CNIH3: variants seen among roughly 807,000 people sequenced by gnomAD.
CNIH3 encodes the protein protein cornichon homolog 3.
CNIH3 carries 14 observed loss-of-function variants against 24.1 expected under a neutral mutation model. The ratio of observed to expected loss-of-function variants is 0.58; its 90% confidence interval spans 0.38 to 0.91. The LOEUF (loss-of-function observed/expected upper bound fraction) is 0.91, where lower values mean the gene tolerates loss of function less well. CNIH3 is among the 40% of genes least tolerant of loss of function. The probability of loss-of-function intolerance (pLI) is 0.00; values close to 1 mark genes in which losing one functional copy is unlikely to be tolerated. For missense variants in CNIH3, 178 were observed against 196.8 expected (o/e 0.90, Z 0.57); for synonymous variants, 68 against 73.8 (o/e 0.92, Z 0.40).
At chr1:224,560,448 G>C (rs552363124) in intron 3 of CNIH3, among the ~76,000 whole-genome samples, 18 of 152,186 alleles carry the variant, frequency 1.2e-4, no homozygotes, top group Admixed American at 3.3e-4. Context: ...GTTAGGAACC[G>C]GGCCCCACAG....
At chr1:224,531,010 G>A (rs1408957334) in intron 2 of CNIH3, among the ~76,000 whole-genome samples, 2 of 152,124 alleles carry the variant, frequency 1.3e-5, no homozygotes, top group Non-Finnish European at 2.9e-5. Context: ...GCTGAATAGA[G>A]CAGACTTCCT....
At chr1:224,666,776 T>C (rs530435692) in intron 1 of CNIH3, among the ~76,000 whole-genome samples, 2 of 152,334 alleles carry the variant, frequency 1.3e-5, no homozygotes, top group South Asian at 4.1e-4. Flanking sequence ...GGCTTTATCA[T>C]TCAAGTCCTA....
intron 1 of CNIH3, among the ~76,000 whole-genome samples, chr1:224,654,907 A>G (rs1297457976): frequency 6.6e-6 from 1 of 152,208 alleles, no homozygotes; most frequent in Non-Finnish European, 1.5e-5. Flanking sequence ...TATCCAGAGT[A>G]TTTAGGAAAT....
At chr1:224,444,432 C>T (rs1009764055) in intron 1 of CNIH3, among the ~76,000 whole-genome samples, 2 of 152,082 alleles carry the variant, frequency 1.3e-5, no homozygotes, top group Non-Finnish European at 1.5e-5. Context: ...TGCAGTGGCT[C>T]ACTGCAACCT....
intron 1 of CNIH3, among the ~76,000 whole-genome samples, chr1:224,671,898 T>A (rs1244100998): frequency 6.6e-6 from 1 of 152,152 alleles, no homozygotes; most frequent in African/African-American, 2.4e-5. Context: ...GGCTCAGAGA[T>A]GACTAAGCAA....
At chr1:224,463,773 ATTTTTTTTTTTTTTT>A (rs56137320) in intron 1 of CNIH3, among the ~76,000 whole-genome samples, 7 of 20,706 alleles carry the variant, frequency 3.4e-4, no homozygotes, top group South Asian at 2.6e-3. Flanking sequence ...AATTGTCCTC[ATTTTTTTTTTTTTTT>A]TTTTTTTTTT....
intron 3 of CNIH3, among the ~76,000 whole-genome samples, chr1:224,706,618 G>A (rs2125188409): frequency 6.6e-6 from 1 of 152,232 alleles, no homozygotes; most frequent in Non-Finnish European, 1.5e-5. Context: ...TCAGCATTTG[G>A]GAGGTTTGCA....
At chr1:224,485,751 C>T (rs990763147) in intron 1 of CNIH3, among the ~76,000 whole-genome samples, 1 of 152,170 alleles carries the variant, frequency 6.6e-6, no homozygotes, top group African/African-American at 2.4e-5. Context: ...CTAGCATGAG[C>T]CAGGATGCCC....
intron 3 of CNIH3, among the ~76,000 whole-genome samples, chr1:224,696,739 ATAGT>A (rs1687197203): frequency 6.6e-6 from 1 of 151,900 alleles, no homozygotes; most frequent in South Asian, 2.1e-4. Context: ...TACCATGTAC[ATAGT>A]TGGTTGTTAT....
intron 5 of CNIH3, among the ~76,000 whole-genome samples, chr1:224,587,588 T>G (rs556265091): frequency 2.6e-4 from 39 of 152,304 alleles, no homozygotes; most frequent in African/African-American, 9.4e-4. Context: ...CTGGGCTACT[T>G]TTTATTGAAA....
chr1:224,583,663 G>C (rs1681371932), intron 5 of CNIH3, among the ~76,000 whole-genome samples: 1 of 152,148 alleles, frequency 6.6e-6, no homozygotes. Context: ...AACTAACAAT[G>C]CTGGGGCTCC....
intron 3 of CNIH3, among the ~76,000 whole-genome samples, chr1:224,707,810 C>T (rs1454343858): frequency 5.3e-5 from 8 of 152,238 alleles, no homozygotes; most frequent in Admixed American, 5.2e-4. Context: ...ACTGGGCATC[C>T]ACCTTGTGTG....
intron 3 of CNIH3, among the ~76,000 whole-genome samples, chr1:224,548,340 CAGTG>C (rs1679783049): frequency 6.6e-6 from 1 of 151,928 alleles, no homozygotes; most frequent in Non-Finnish European, 1.5e-5. Context: ...TTCAATATCA[CAGTG>C]GGTGTACACC....
intron 3 of CNIH3, among the ~76,000 whole-genome samples, chr1:224,553,774 A>G (rs1412470664): frequency 6.7e-6 from 1 of 150,370 alleles, no homozygotes; most frequent in Non-Finnish European, 1.5e-5. Context: ...AAGTGAGTTT[A>G]TACTACAAAT....
chr1:224,553,450 A>G (rs1295088164), intron 3 of CNIH3, among the ~76,000 whole-genome samples: 1 of 152,068 alleles, frequency 6.6e-6, no homozygotes, highest in Non-Finnish European at 1.5e-5. Context: ...GCTCATTCTC[A>G]CAACCCAATC....
chr1:224,606,257 C>T (rs994571173), intron 3 of CNIH3, among the ~76,000 whole-genome samples: 8 of 152,152 alleles, frequency 5.3e-5, no homozygotes, highest in African/African-American at 1.9e-4. Flanking sequence ...GCATTTGTAC[C>T]TGCCCTCTTG....
At chr1:224,612,373 C>A (rs1682741555), upstream of CNIH3, among the ~76,000 whole-genome samples, 1 of 151,936 alleles carries the variant, frequency 6.6e-6, no homozygotes, top group African/African-American at 2.4e-5. The surrounding 1 kb of genome is among the most constrained non-coding windows in gnomAD (Gnocchi z 4.7). Flanking sequence ...CTTTTAGGGG[C>A]ATTTCTTAAT....
chr1:224,723,396 A>G (rs1229926362), intron 3 of CNIH3, among the ~76,000 whole-genome samples: 1 of 152,176 alleles, frequency 6.6e-6, no homozygotes, highest in Non-Finnish European at 1.5e-5. Flanking sequence ...AATGAGTCCA[A>G]GTGGGTGCCA....
chr1:224,631,206 C>T (rs1242760056), intron 1 of CNIH3, among the ~76,000 whole-genome samples: 3 of 152,158 alleles, frequency 2.0e-5, no homozygotes, highest in Admixed American at 6.5e-5. Context: ...ATGCTCAGGA[C>T]ATGGGGATGA....
Sources: allele counts gnomAD v4.1 joint callset (sites outside exome capture counted in the v4.1 genomes callset), GRCh38; gene constraint gnomAD v4.1.1; non-coding constraint Gnocchi (gnomAD v3.1); transcripts MANE v1.5; gene names NCBI Gene and HGNC (gene_info 2026-07-23, HGNC 2026-07-21).